Variants in CPVL observed in about 807,000 individuals in gnomAD.
The protein encoded by CPVL is carboxypeptidase vitellogenic like.
Under a neutral mutation model 63.7 loss-of-function variants are expected in CPVL, and 51 were observed. The observed-to-expected ratio is 0.80, with a 90% confidence interval of 0.64 to 1.01. The LOEUF (loss-of-function observed/expected upper bound fraction) is 1.01. Among genes scored for constraint, CPVL ranks in the 50% least tolerant of loss-of-function variants. The probability of loss-of-function intolerance (pLI) is 0.00; values close to 1 mark genes in which losing one functional copy is unlikely to be tolerated. For missense variants in CPVL, 530 were observed against 573.1 expected (o/e 0.92, Z 0.77); for synonymous variants, 195 against 206.0 (o/e 0.95, Z 0.46).
intron 11 of CPVL, among the ~76,000 whole-genome samples, chr7:29,037,897 T>C (rs761782445): frequency 9.9e-5 from 15 of 152,278 alleles, no homozygotes; most frequent in Non-Finnish European, 7.3e-5. Context: ...GAGCTTTAAT[T>C]TTCTCCTCTA....
rs574406094 is a variant in CPVL at position 29,154,206 on chromosome 7, G to A, written c.-11+27084C>T. On this transcript the variant is annotated intron_variant, in intron 5 of 16. Coordinates refer to the CPVL transcript ENST00000409850. ...TGGGCTTCTCATTGCAGAATCTGTG[G>A]AACAGGATGCCAGCAGACAGAGGAG... 3.2e-3 allele frequency among the ~76,000 whole-genome samples: 485 copies of A among 152,272 alleles called. 2 individuals are homozygous for A. The highest frequency in any genetic ancestry group is 5.5e-3 in the Non-Finnish European group (373 of 68,012).
chr7:29,026,427 C>T (rs921005430), intron 12 of CPVL, among the ~76,000 whole-genome samples: 1 of 151,720 alleles, frequency 6.6e-6, no homozygotes. Flanking sequence ...AAAGCAAGAA[C>T]AAACCAAACC....
intron 11 of CPVL, among the ~76,000 whole-genome samples, chr7:29,032,607 C>T (rs1788134726): frequency 1.3e-5 from 2 of 152,168 alleles, no homozygotes; most frequent in South Asian, 2.1e-4. Context: ...CACCATTCTA[C>T]GAAGACCTGA....
chr7:29,050,298 G>A (rs1163979152), intron 11 of CPVL, among the ~76,000 whole-genome samples: 5 of 151,856 alleles, frequency 3.3e-5, no homozygotes, highest in Non-Finnish European at 7.4e-5. Flanking sequence ...AAAATAATTC[G>A]ACAAAGCTTC....
intron 7 of CPVL, among the ~76,000 whole-genome samples, chr7:29,073,462 A>C (rs1048522377): frequency 2.6e-5 from 4 of 152,114 alleles, no homozygotes; most frequent in African/African-American, 9.7e-5. Flanking sequence ...AAGCAAAGGC[A>C]TAAGGGCTGA....
intron 1 of CPVL, among the ~76,000 whole-genome samples, chr7:29,123,328 T>C (rs1014997557): frequency 6.6e-6 from 1 of 151,826 alleles, no homozygotes; most frequent in Non-Finnish European, 1.5e-5. Flanking sequence ...AGGGTTAACT[T>C]ACTAGAATTC....
intron 12 of CPVL, among the ~76,000 whole-genome samples, chr7:29,002,141 A>G (rs1784704565): frequency 6.6e-6 from 1 of 152,180 alleles, no homozygotes; most frequent in Admixed American, 6.5e-5. Flanking sequence ...AGAGAATGAA[A>G]AGCTCATTAG....
chr7:29,181,934 C>G (rs1798107359), intron 4 of CPVL, among the ~76,000 whole-genome samples: 1 of 152,100 alleles, frequency 6.6e-6, no homozygotes, highest in African/African-American at 2.4e-5. Flanking sequence ...TTTTACTTAT[C>G]TCTTTTTTGC....
chr7:29,146,564 A>G (rs998646172), upstream of CPVL: 1 of 1,536,806 alleles, frequency 6.5e-7, no homozygotes, highest in Non-Finnish European at 8.8e-7. Flanking sequence ...TCGAGCCTTT[A>G]AGCGCTCCTC....
chr7:29,092,847 AG>A, intron 5 of CPVL, 145 bp from the exon 6 acceptor site: 1 of 650,590 alleles, frequency 1.5e-6, no homozygotes, highest in South Asian at 1.8e-5. Flanking sequence ...CTATGCCTTT[AG>A]CCCTCCTCCC....
chr7:29,175,262 A>C (rs1406584060), intron 5 of CPVL, among the ~76,000 whole-genome samples: 5 of 149,326 alleles, frequency 3.3e-5, no homozygotes, highest in African/African-American at 1.2e-4. Flanking sequence ...GCAGTCTCTG[A>C]CTCCTGGGTT....
chr7:29,037,561 AAAAAAAAAAAAG>A (rs1230361245), intron 11 of CPVL, among the ~76,000 whole-genome samples: 2 of 148,120 alleles, frequency 1.4e-5, no homozygotes, highest in Non-Finnish European at 3.0e-5. Flanking sequence ...TCAAAAAAAA[AAAAAAAAAAAAG>A]AAAAGAAAAG....
At chr7:29,086,267 T>C (rs1475801383) in intron 7 of CPVL, among the ~76,000 whole-genome samples, 1 of 150,642 alleles carries the variant, frequency 6.6e-6, no homozygotes, top group African/African-American at 2.4e-5. Flanking sequence ...ACTCCAGCCC[T>C]TGGCAACAAG....
chr7:29,147,086 G>A (rs1206075368), upstream of CPVL: 4 of 1,316,004 alleles, frequency 3.0e-6, no homozygotes, highest in Non-Finnish European at 4.1e-6. Context: ...CACAAACTAA[G>A]TGAGGTTAAG....
intron 12 of CPVL, among the ~76,000 whole-genome samples, chr7:29,000,781 C>CT: frequency 6.6e-6 from 1 of 152,234 alleles, no homozygotes; most frequent in South Asian, 2.1e-4. Flanking sequence ...TTCACACTAT[C>CT]TTGTTGCAGA....
At chr7:29,075,592 A>T (rs541036013) in intron 7 of CPVL, among the ~76,000 whole-genome samples, 1 of 150,482 alleles carries the variant, frequency 6.6e-6, no homozygotes. Flanking sequence ...AGGTCCCCCA[A>T]GGTGGAACTA....
At chr7:29,101,061 C>T (rs937532189) in intron 3 of CPVL, among the ~76,000 whole-genome samples, 1 of 152,062 alleles carries the variant, frequency 6.6e-6, no homozygotes, top group South Asian at 2.1e-4. Flanking sequence ...ATGTGACAAT[C>T]CTTAGGGTGA....
chr7:29,002,761 G>C (rs115006853), intron 12 of CPVL, among the ~76,000 whole-genome samples: 1,937 of 151,354 alleles, frequency 0.013, 42 homozygotes, highest in African/African-American at 0.044. Flanking sequence ...CTCGATCGAT[G>C]TTTTAGCAAT....
intron 12 of CPVL, among the ~76,000 whole-genome samples, chr7:29,023,308 A>G (rs1195083298): frequency 1.3e-5 from 2 of 152,220 alleles, no homozygotes; most frequent in East Asian, 3.8e-4. Context: ...ATGGAAGGCA[A>G]AGGAGAAGCA....
Sources: allele counts gnomAD v4.1 joint callset (sites outside exome capture counted in the v4.1 genomes callset), GRCh38; gene constraint gnomAD v4.1.1; transcripts MANE v1.5; gene names NCBI Gene and HGNC (gene_info 2026-07-23, HGNC 2026-07-21).